Variants in HIVEP3 observed in about 807,000 individuals in gnomAD.
HIVEP3 encodes the protein HIVEP zinc finger 3.
HIVEP3 carries 49 observed loss-of-function variants against 152.8 expected under a neutral mutation model. The ratio of observed to expected loss-of-function variants is 0.32; its 90% confidence interval spans 0.26 to 0.41. HIVEP3 has a LOEUF of 0.41. Ranked by LOEUF, HIVEP3 falls within the 10% of genes least tolerant of loss-of-function variation. The probability of loss-of-function intolerance (pLI) is 1.00; values close to 1 mark genes in which losing one functional copy is unlikely to be tolerated. For missense variants in HIVEP3, 2,790 were observed against 3,103.3 expected, an observed-to-expected ratio of 0.90 and a Z score of 2.40; for synonymous variants, 1,269 against 1,289.0, an observed-to-expected ratio of 0.98 and a Z score of 0.33.
intron 2 of HIVEP3, among the ~76,000 whole-genome samples, chr1:41,673,018 G>A (rs1166780790): frequency 6.6e-6 from 1 of 152,228 alleles, no homozygotes; most frequent in South Asian, 2.1e-4. Context: ...AATATGTAAA[G>A]CCAGGCCACA....
At chr1:41,774,840 G>A (rs1381838554) in intron 1 of HIVEP3, among the ~76,000 whole-genome samples, 2 of 149,980 alleles carry the variant, frequency 1.3e-5, no homozygotes, top group Non-Finnish European at 2.9e-5. Flanking sequence ...TCTGTCACTA[G>A]GCTGGAGTGC....
intron 2 of HIVEP3, among the ~76,000 whole-genome samples, chr1:41,641,603 G>A (rs1210050995): frequency 1.3e-5 from 2 of 152,244 alleles, no homozygotes; most frequent in Non-Finnish European, 2.9e-5. Context: ...TTTTTCCATA[G>A]AAAGTTTCCA....
chr1:41,780,826 G>C (rs1649000534), intron 1 of HIVEP3, among the ~76,000 whole-genome samples: 1 of 152,176 alleles, frequency 6.6e-6, no homozygotes, highest in Non-Finnish European at 1.5e-5. Flanking sequence ...GGCATGGAAG[G>C]TAGTGCAGGC....
chr1:41,920,358 C>A (rs1644931526), upstream of HIVEP3, among the ~76,000 whole-genome samples: 2 of 152,216 alleles, frequency 1.3e-5, no homozygotes, highest in South Asian at 4.2e-4. Context: ...CTGGTCCAGC[C>A]CCTGCCCCCT....
chr1:41,950,135 T>TA (rs1645097971), intron 1 of HIVEP3, among the ~76,000 whole-genome samples: 1 of 152,128 alleles, frequency 6.6e-6, no homozygotes, highest in Non-Finnish European at 1.5e-5. Context: ...ACTAAAATGC[T>TA]AATTAGGCAA....
intron 5 of HIVEP3, among the ~76,000 whole-genome samples, chr1:41,526,408 CCACACTCACCCT>C (rs1476717709): frequency 7.2e-6 from 1 of 138,458 alleles, no homozygotes; most frequent in East Asian, 2.3e-4. Flanking sequence ...GCCCACACCC[CCACACTCACCCT>C]CACACTCACC....
At chr1:42,034,243 G>A (rs1645628768) in intron 1 of HIVEP3, among the ~76,000 whole-genome samples, 1 of 152,216 alleles carries the variant, frequency 6.6e-6, no homozygotes, top group South Asian at 2.1e-4. Context: ...TACATCAGAA[G>A]CATTGTAACA....
At position 41,885,685 on chromosome 1, in the gene HIVEP3, TCCTTCCTCCTTCCCTTCCTCCTTC is replaced by T. The variant is rs200853003; in HGVS notation, c.-801+32704_-801+32727del. ...CAAAAAATAAAATAAAATCCTTCCT[TCCTTCCTCCTTCCCTTCCTCCTTC>T]CCTTCCTCCTTCCCTTCCCCCTCCT... is the stretch of plus-strand genomic sequence containing the variant. On this transcript the variant is annotated intron_variant, in intron 1 of 8. Coordinates refer to ENST00000372583, the MANE Select transcript of HIVEP3 (RefSeq NM_024503.5). Among the ~76,000 whole-genome samples, 327 of 148,024 alleles carry T rather than the reference TCCTTCCTCCTTCCCTTCCTCCTTC, an allele frequency of 2.2e-3. 2 individuals are homozygous for T. Among genetic ancestry groups the T allele is most frequent in the African/African-American group, 8.0e-3 (307 of 38,290 alleles).
chr1:41,868,482 A>C (rs997426839), intron 1 of HIVEP3, among the ~76,000 whole-genome samples: 2 of 152,162 alleles, frequency 1.3e-5, no homozygotes, highest in African/African-American at 4.8e-5. Flanking sequence ...ATGAACCGAT[A>C]AGACACTGAA....
At chr1:41,761,411 T>A (rs1311680782) in intron 1 of HIVEP3, among the ~76,000 whole-genome samples, 1 of 151,990 alleles carries the variant, frequency 6.6e-6, no homozygotes, top group Non-Finnish European at 1.5e-5. Flanking sequence ...TGCACATGCA[T>A]GTGCATGTAT....
chr1:41,784,338 T>A (rs1464522339), intron 1 of HIVEP3, among the ~76,000 whole-genome samples: 2 of 152,262 alleles, frequency 1.3e-5, no homozygotes, highest in African/African-American at 4.8e-5. Flanking sequence ...CATGTTGAAA[T>A]AACCTTTTGG....
chr1:41,868,655 C>T (rs767534792), intron 1 of HIVEP3, among the ~76,000 whole-genome samples: 26 of 152,208 alleles, frequency 1.7e-4, no homozygotes, highest in Admixed American at 6.5e-4. Context: ...GTGGCTCTCC[C>T]GCACTCACCA....
intron 1 of HIVEP3, among the ~76,000 whole-genome samples, chr1:41,735,703 C>T (rs759631780): frequency 3.3e-5 from 5 of 152,134 alleles, no homozygotes; most frequent in African/African-American, 9.7e-5. Flanking sequence ...TCTCCTCCTC[C>T]GTCAGCACAG....
intron 1 of HIVEP3, among the ~76,000 whole-genome samples, chr1:42,005,403 T>TG (rs1557558695): frequency 1.3e-5 from 2 of 152,072 alleles, no homozygotes; most frequent in East Asian, 1.9e-4. Flanking sequence ...TGTATATATA[T>TG]ACACACATAT....
chr1:41,562,636 TCTCTCTC>T (rs1569917367), intron 5 of HIVEP3, among the ~76,000 whole-genome samples: 1 of 136,322 alleles, frequency 7.3e-6, no homozygotes, highest in Admixed American at 7.2e-5. Flanking sequence ...TCTCTCTCCC[TCTCTCTC>T]TCTTTCTTTC....
In HIVEP3 at chr1:41,918,206, CA is replaced by C. The variant is rs1644903739; in HGVS notation, c.-801+206del. ...ACCAGGCCGAGCAGCGCGCTCAGCCCACCGGGGGCACTGGCCGCCACGCGCA... is the reference window on the plus strand; with the variant it reads ...ACCAGGCCGAGCAGCGCGCTCAGCCCCCGGGGGCACTGGCCGCCACGCGCA... On this transcript the variant is annotated intron_variant, in intron 1 of 8. Transcript: ENST00000372583. The surrounding 1 kb of genome is among the most constrained non-coding windows in gnomAD (Gnocchi z 4.3). 1.6e-5 allele frequency among the ~76,000 whole-genome samples: 2 copies of C among 121,298 alleles called. No individual in the cohort carries two copies. The highest frequency in any genetic ancestry group is 5.9e-4 in the South Asian group (2 of 3,410). The allele number at this position is 121,298 out of a possible 152,430, so 79.6% of individuals were successfully genotyped here.
At chr1:41,844,402 G>A (rs1643376309) in intron 1 of HIVEP3, among the ~76,000 whole-genome samples, 1 of 152,214 alleles carries the variant, frequency 6.6e-6, no homozygotes, top group Non-Finnish European at 1.5e-5. Context: ...GGAGACACAA[G>A]TAGCAACACA....
At chr1:41,782,678 G>A (rs7518918) in intron 1 of HIVEP3, among the ~76,000 whole-genome samples, 27,350 of 148,712 alleles carry the variant, frequency 0.18, 5,913 homozygotes, top group African/African-American at 0.53. Flanking sequence ...ATTGCAGTGA[G>A]CTGAGACCAA....
intron 1 of HIVEP3, among the ~76,000 whole-genome samples, chr1:41,899,978 G>T (rs573039346): frequency 1.3e-4 from 20 of 152,148 alleles, no homozygotes; most frequent in Admixed American, 5.9e-4. Flanking sequence ...GCATCTCAGG[G>T]TTCATGTTGA....
Sources: allele counts gnomAD v4.1 joint callset (sites outside exome capture counted in the v4.1 genomes callset), GRCh38; gene constraint gnomAD v4.1.1; non-coding constraint Gnocchi (gnomAD v3.1); transcripts MANE v1.5; gene names NCBI Gene and HGNC (gene_info 2026-07-23, HGNC 2026-07-21).